The following RDH12 variants were observed in gnomAD, a reference collection of about 807,000 sequenced individuals.
The protein encoded by RDH12 is all-trans and 9-cis retinol dehydrogenase.
A neutral mutation model predicts 34.0 loss-of-function variants in RDH12; 21 were observed. The observed-to-expected ratio is 0.62, with a 90% confidence interval of 0.44 to 0.89. The LOEUF is 0.89. Ranked by LOEUF, RDH12 falls within the 40% of genes least tolerant of loss-of-function variation. The pLI is 0.00. For synonymous variants in RDH12, 198 were observed against 169.9 expected (o/e 1.17, Z -1.29); for missense variants, 394 against 398.6 (o/e 0.99, Z 0.10).
chr14:67,726,408 G>A (rs2038186232), intron 6 of RDH12, among the ~76,000 whole-genome samples: 1 of 152,198 alleles, frequency 6.6e-6, no homozygotes, highest in South Asian at 2.1e-4. Context: ...TCTTGGATGG[G>A]GCAGTGGCAG....
At chr14:67,725,004 A>G (rs1346851293) in intron 4 of RDH12, 95 bp from the exon 5 acceptor site, 3 of 1,364,740 alleles carry the variant, frequency 2.2e-6, no homozygotes, top group Admixed American at 3.3e-5. Context: ...GGCTGGGAGA[A>G]TGAATGCTCT....
chr14:67,706,568 A>G (rs1282918196), intron 1 of RDH12, among the ~76,000 whole-genome samples: 2 of 152,194 alleles, frequency 1.3e-5, no homozygotes, highest in African/African-American at 4.8e-5. Flanking sequence ...GGAAGATGAG[A>G]CACAAACAGG....
chr14:67,725,903 G>T, intron 5 of RDH12, 148 bp from the exon 6 acceptor site: 1 of 712,288 alleles, frequency 1.4e-6, no homozygotes, highest in Admixed American at 1.9e-5. Flanking sequence ...TGTTTTAAAA[G>T]GAAGGGGCAG....
intron 4 of RDH12, 47 bp from the exon 5 acceptor site, chr14:67,725,052 A>G: frequency 6.2e-7 from 1 of 1,607,862 alleles, no homozygotes; most frequent in Non-Finnish European, 8.5e-7. Context: ...TACCTCCTTT[A>G]TAGCCTAGGA....
chr14:67,728,808 A>G (rs1040824225), intron 7 of RDH12, among the ~76,000 whole-genome samples: 1 of 151,554 alleles, frequency 6.6e-6, no homozygotes, highest in Non-Finnish European at 1.5e-5. Flanking sequence ...AGTCCTACCC[A>G]CCACCTTCCA....
chr14:67,730,812 C>G (rs960501682), intron 8 of RDH12, among the ~76,000 whole-genome samples: 1 of 152,124 alleles, frequency 6.6e-6, no homozygotes, highest in Admixed American at 6.6e-5. Flanking sequence ...CCATGTTGGC[C>G]AGGCTGGTCT....
chr14:67,718,268 C>A (rs964636173), intron 1 of RDH12, among the ~76,000 whole-genome samples: 1 of 151,940 alleles, frequency 6.6e-6, no homozygotes, highest in Non-Finnish European at 1.5e-5. Context: ...CATCTGGCTT[C>A]CAAAATATGT....
At chr14:67,705,633 T>G (rs1302902792) in intron 1 of RDH12, among the ~76,000 whole-genome samples, 1 of 152,202 alleles carries the variant, frequency 6.6e-6, no homozygotes, top group Non-Finnish European at 1.5e-5. Flanking sequence ...GTTAGTGGTG[T>G]TGTACCAATG....
intron 1 of RDH12, among the ~76,000 whole-genome samples, chr14:67,711,140 T>C (rs1940776770): frequency 6.6e-6 from 1 of 152,214 alleles, no homozygotes; most frequent in South Asian, 2.1e-4. Context: ...CTAGACCACC[T>C]AAAGCCACAA....
chr14:67,712,303 T>G (rs1034116759), intron 1 of RDH12, among the ~76,000 whole-genome samples: 1 of 152,094 alleles, frequency 6.6e-6, no homozygotes, highest in Non-Finnish European at 1.5e-5. Context: ...GGGAGAATTA[T>G]TTTGAGGTTA....
intron 1 of RDH12, among the ~76,000 whole-genome samples, chr14:67,717,010 C>T (rs2038076228): frequency 6.6e-6 from 1 of 152,100 alleles, no homozygotes. Flanking sequence ...TGTTTTACTT[C>T]CTTCTATCAA....
intron 6 of RDH12, 79 bp from the exon 7 acceptor site, chr14:67,726,902 C>T (rs2038192084): frequency 1.6e-6 from 2 of 1,287,538 alleles, no homozygotes; most frequent in African/African-American, 2.9e-5. Context: ...TGAGCTAACA[C>T]TGAAGTCCTC....
chr14:67,733,640 T>G lies in RDH12; in HGVS notation c.849-106T>G. On this transcript the variant is annotated intron_variant, in intron 8 of 8. Transcript: ENST00000551171. ...ATAATTAGTTTCTTTGAGTCTGGCA[T>G]ATATTGTATTTTATTCATTTAGAAA... 4.0e-6 allele frequency: 3 copies of G among 744,812 alleles called. No homozygotes were observed. The South Asian group carries it at 4.4e-5, about 11-fold the overall frequency. 46.1% of individuals were successfully genotyped at this position (744,812 alleles called of 1,614,324 possible).
intron 1 of RDH12, among the ~76,000 whole-genome samples, chr14:67,707,317 T>C (rs757183912): frequency 1.3e-5 from 2 of 152,258 alleles, no homozygotes; most frequent in Non-Finnish European, 2.9e-5. Flanking sequence ...TACTACACTT[T>C]TTGAAACAAT....
At chr14:67,716,192 G>A (rs577498827) in intron 1 of RDH12, among the ~76,000 whole-genome samples, 3 of 137,140 alleles carry the variant, frequency 2.2e-5, no homozygotes, top group Admixed American at 1.5e-4. Flanking sequence ...GTGAGACTCC[G>A]TCTCAAAAAA....
At chr14:67,724,810 A>C (rs374576570) in intron 4 of RDH12, among the ~76,000 whole-genome samples, 6 of 152,206 alleles carry the variant, frequency 3.9e-5, no homozygotes, top group African/African-American at 1.4e-4. Flanking sequence ...AAAATAAGGA[A>C]AACGATGTCT....
chr14:67,704,101 G>T (rs745946118), intron 1 of RDH12, among the ~76,000 whole-genome samples: 3 of 152,126 alleles, frequency 2.0e-5, no homozygotes, highest in Non-Finnish European at 2.9e-5. Context: ...TGTTTTGTTT[G>T]TTCCCCTTGT....
intron 1 of RDH12, among the ~76,000 whole-genome samples, chr14:67,719,660 TAG>T (rs1013892352): frequency 6.6e-6 from 1 of 152,034 alleles, no homozygotes; most frequent in Non-Finnish European, 1.5e-5. Context: ...TTCCTTTTTG[TAG>T]AGACGGGGTC....
intron 2 of RDH12, among the ~76,000 whole-genome samples, chr14:67,721,690 A>G (rs1232353762): frequency 6.6e-6 from 1 of 151,776 alleles, no homozygotes; most frequent in Non-Finnish European, 1.5e-5. Flanking sequence ...AGCATATGCC[A>G]GTTTCGTTTT....
Sources: allele counts gnomAD v4.1 joint callset (sites outside exome capture counted in the v4.1 genomes callset), GRCh38; gene constraint gnomAD v4.1.1; transcripts MANE v1.5; gene names NCBI Gene and HGNC (gene_info 2026-07-23, HGNC 2026-07-21).